SLAMF1: variants seen among roughly 807,000 people sequenced by gnomAD.
The protein encoded by SLAMF1 is signaling lymphocytic activation molecule family member 1, also known as signaling lymphocytic activation molecule.
SLAMF1 carries 18 observed loss-of-function variants against 35.1 expected under a neutral mutation model. That is an observed-to-expected ratio of 0.51 (90% CI 0.35 to 0.76). The LOEUF (loss-of-function observed/expected upper bound fraction) is 0.76. Ranked by LOEUF, SLAMF1 falls within the 30% of genes least tolerant of loss-of-function variation. The pLI is 0.01. For missense variants in SLAMF1, 392 were observed against 413.0 expected, an observed-to-expected ratio of 0.95 and a Z score of 0.44; for synonymous variants, 168 against 157.2, an observed-to-expected ratio of 1.07 and a Z score of -0.51.
chr1:160,634,599 A>G lies in SLAMF1; in HGVS notation c.700+14T>C. ...TCATTAAGGTGGCACACAGGCTGCC[A>G]CCAGTGTACTCACCTGAGGGGTCTG... is the stretch of plus-strand genomic sequence containing the variant. On this transcript the variant is annotated intron_variant, in intron 3 of 6. Coordinates refer to ENST00000302035, the MANE Select transcript of SLAMF1 (RefSeq NM_003037.5). The G allele has an allele frequency of 1.3e-6, 2 of 1,577,176 alleles. No individual in the cohort carries two copies. Among genetic ancestry groups the G allele is most frequent in the Non-Finnish European group, 1.7e-6 (2 of 1,157,620 alleles).
At chr1:160,617,862 T>G (rs976159837) in intron 5 of SLAMF1, among the ~76,000 whole-genome samples, 2 of 152,052 alleles carry the variant, frequency 1.3e-5, no homozygotes, top group African/African-American at 4.8e-5. Context: ...CACTTGAGGT[T>G]AGTAGTTTGA....
intron 5 of SLAMF1, among the ~76,000 whole-genome samples, chr1:160,614,552 G>A (rs904852594): frequency 3.4e-5 from 5 of 145,084 alleles, no homozygotes; most frequent in South Asian, 2.3e-4. Context: ...CTAGCCTGGC[G>A]ACAGAGTGAG....
intron 1 of SLAMF1, among the ~76,000 whole-genome samples, chr1:160,640,456 T>G (rs1660692663): frequency 1.3e-5 from 2 of 150,304 alleles, no homozygotes; most frequent in Admixed American, 6.6e-5. Context: ...AAGCTAGTGT[T>G]CATAAAAGAA....
rs149042392 is a variant in SLAMF1 at position 160,618,403 on chromosome 1, AGTGT to A, written c.864+1369_864+1372del. On this transcript the variant is annotated intron_variant, in intron 5 of 6. Coordinates refer to ENST00000302035, the MANE Select transcript of SLAMF1 (RefSeq NM_003037.5). ...GCATGAGTGTGTGTATGTGAGAGTG[AGTGT>A]GTGTGTGTGTGTGTGTAAAATGGAG... 3.6e-4 allele frequency among the ~76,000 whole-genome samples: 54 copies of A among 149,748 alleles called. No individual in the cohort carries two copies. The Middle Eastern group carries it at 0.01, about 29-fold the overall frequency.
intron 3 of SLAMF1, among the ~76,000 whole-genome samples, chr1:160,626,603 G>T (rs1286359188): frequency 1.3e-5 from 2 of 152,106 alleles, no homozygotes; most frequent in African/African-American, 4.8e-5. Context: ...TTATTTTGAG[G>T]ACACTGAGAC....
At chr1:160,623,858 C>A (rs1659739402) in intron 4 of SLAMF1, among the ~76,000 whole-genome samples, 1 of 152,196 alleles carries the variant, frequency 6.6e-6, no homozygotes, top group African/African-American at 2.4e-5. Flanking sequence ...TGAATAATGT[C>A]TCTCACATTA....
At chr1:160,638,103 T>C (rs1444653126) in intron 1 of SLAMF1, among the ~76,000 whole-genome samples, 1 of 151,924 alleles carries the variant, frequency 6.6e-6, no homozygotes, top group Admixed American at 6.6e-5. Context: ...ATGTCGACAG[T>C]GAGATATTAC....
Position 160,634,615 on chromosome 1 carries a change from G to A in SLAMF1, c.698C>T (p.Ser233Leu). The A allele has an allele frequency of 6.2e-7, 1 of 1,600,120 alleles. No homozygotes were observed. The highest frequency in any genetic ancestry group is 8.5e-7 in the Non-Finnish European group (1 of 1,171,814). ...SPWPGCRTDP[S>L]ETKPWAVYAG... ...CAGGCTGCCACCAGTGTACTCACCT[G>A]AGGGGTCTGTCCTGCATCCGGGCCA... Residue 233 changes from serine to leucine, a missense_variant and splice_region_variant, in exon 3 of 7, where the codon TCA becomes TTA. By Grantham distance (145) the Ser-to-Leu change is moderately radical. Coordinates refer to ENST00000302035, the MANE Select transcript of SLAMF1 (RefSeq NM_003037.5).
chr1:160,641,200 TC>T (rs1558016275), intron 1 of SLAMF1, among the ~76,000 whole-genome samples: 1 of 152,150 alleles, frequency 6.6e-6, no homozygotes, highest in East Asian at 1.9e-4. Context: ...AAATGCCATC[TC>T]TTAAAGGGAT....
At chr1:160,624,456 A>G (rs187268052) in intron 3 of SLAMF1, among the ~76,000 whole-genome samples, 205 of 152,296 alleles carry the variant, frequency 1.3e-3, no homozygotes, top group Middle Eastern at 6.8e-3. Context: ...CAACTACCAC[A>G]TGTCTAACAT....
intron 3 of SLAMF1, among the ~76,000 whole-genome samples, chr1:160,631,654 C>A (rs1285452855): frequency 6.6e-6 from 1 of 151,960 alleles, no homozygotes. Flanking sequence ...CACAAAGAGA[C>A]ACCAGGAAAG....
rs139963731 is a variant in SLAMF1 at position 160,616,927 on chromosome 1, G to A, written c.864+2849C>T. Among the ~76,000 whole-genome samples the A allele has an allele frequency of 9.2e-5, 14 of 152,110 alleles. No homozygotes were observed. The East Asian group carries it at 1.4e-3, about 15-fold the overall frequency. On this transcript the variant is annotated intron_variant, in intron 5 of 6. Transcript: ENST00000302035. ...TCCCAGCACTTTGGGATGCTGAGGC[G>A]GGCAGATCTCCTGAGATCAGGAGTT...
At chr1:160,628,610 T>C (rs1385451368) in intron 3 of SLAMF1, among the ~76,000 whole-genome samples, 3 of 152,196 alleles carry the variant, frequency 2.0e-5, no homozygotes, top group Non-Finnish European at 4.4e-5. Context: ...TTTATTTGTA[T>C]CCTCCATTCC....
At chr1:160,630,789 CTCTT>C (rs1226304259) in intron 3 of SLAMF1, among the ~76,000 whole-genome samples, 1 of 152,178 alleles carries the variant, frequency 6.6e-6, no homozygotes, top group Non-Finnish European at 1.5e-5. Flanking sequence ...CTATCTAAAA[CTCTT>C]TATTAGTTCC....
chr1:160,620,995 T>C (rs1659581735), intron 4 of SLAMF1, among the ~76,000 whole-genome samples: 1 of 152,256 alleles, frequency 6.6e-6, no homozygotes, highest in African/African-American at 2.4e-5. Flanking sequence ...GGTGTCATTC[T>C]GCACACACTT....
At chr1:160,612,240 T>C (rs1659022673) in intron 6 of SLAMF1, among the ~76,000 whole-genome samples, 1 of 87,432 alleles carries the variant, frequency 1.1e-5, no homozygotes. Flanking sequence ...TTTGTTTTTG[T>C]TTTAATTTTT....
At position 160,642,011 on chromosome 1, in the gene SLAMF1, A is replaced by G. The variant is rs554091306; in HGVS notation, c.77-4482T>C. Among the ~76,000 whole-genome samples the G allele has an allele frequency of 6.6e-6, 1 of 152,322 alleles. No homozygotes were observed. The highest frequency in any genetic ancestry group is 1.9e-4 in the East Asian group (1 of 5,184). ...TCACAAGATGGGCTTCTACCTAATG[A>G]TAACTCTTTTTGTTTTATTGTATTA... On this transcript the variant is annotated intron_variant, in intron 1 of 6. Transcript: ENST00000302035. The surrounding 1 kb of genome is among the most constrained non-coding windows in gnomAD (Gnocchi z 4.2).
intron 3 of SLAMF1, among the ~76,000 whole-genome samples, chr1:160,630,031 G>A (rs1344842772): frequency 6.6e-6 from 1 of 152,218 alleles, no homozygotes; most frequent in African/African-American, 2.4e-5. Context: ...CTAACTCAGA[G>A]GTGCTGAGCC....
chr1:160,641,869 G>A (rs1343729148), intron 1 of SLAMF1, among the ~76,000 whole-genome samples: 3 of 152,162 alleles, frequency 2.0e-5, no homozygotes, highest in Non-Finnish European at 4.4e-5. Context: ...AACATTTGTA[G>A]CTGTTAACAC....
Sources: allele counts gnomAD v4.1 joint callset (sites outside exome capture counted in the v4.1 genomes callset), GRCh38; gene constraint gnomAD v4.1.1; non-coding constraint Gnocchi (gnomAD v3.1); transcripts MANE v1.5; gene names NCBI Gene and HGNC (gene_info 2026-07-23, HGNC 2026-07-21).